Variants in WWOX observed in about 807,000 individuals in gnomAD.
The protein encoded by WWOX is WW domain-containing oxidoreductase.
In WWOX, 69 loss-of-function variants were observed where a neutral mutation model predicts 46.2. The ratio of observed to expected loss-of-function variants is 1.49; its 90% CI spans 1.23 to 1.82. The LOEUF (loss-of-function observed/expected upper bound fraction) is 1.82, where lower values mean the gene tolerates loss of function less well. Ranked by LOEUF, WWOX falls within the 40% of genes most tolerant of loss-of-function variation. The probability of loss-of-function intolerance (pLI) is 0.00; values close to 1 mark genes in which losing one functional copy is unlikely to be tolerated. For synonymous variants in WWOX, 359 were observed against 202.6 expected, an observed-to-expected ratio of 1.77 and a Z score of -6.56; for missense variants, 919 against 542.6, an observed-to-expected ratio of 1.69 and a Z score of -6.89.
intron 8 of WWOX, among the ~76,000 whole-genome samples, chr16:78,778,184 A>G (rs1439427978): frequency 1.3e-5 from 2 of 152,144 alleles, no homozygotes; most frequent in African/African-American, 4.8e-5. Flanking sequence ...TAGTTAAATC[A>G]GGGTGTGCCT....
At chr16:78,685,172 G>T (rs1469199600) in intron 8 of WWOX, among the ~76,000 whole-genome samples, 7 of 152,100 alleles carry the variant, frequency 4.6e-5, no homozygotes, top group Admixed American at 3.9e-4. Flanking sequence ...ACCCTGGGAG[G>T]ACTGGGAGAG....
intron 8 of WWOX, among the ~76,000 whole-genome samples, chr16:78,498,314 C>G (rs1451182344): frequency 2.0e-5 from 3 of 152,008 alleles, no homozygotes; most frequent in South Asian, 2.1e-4. Flanking sequence ...TTTTATTGCT[C>G]TGTAAATTGC....
chr16:78,361,258 G>A (rs12444202), intron 5 of WWOX, among the ~76,000 whole-genome samples: 112,417 of 152,128 alleles, frequency 0.74, 42,998 homozygotes, highest in African/African-American at 0.84. Context: ...ATGATGTGGT[G>A]TCTTTCTTAG....
chr16:78,385,864 A>G (rs776030121), intron 5 of WWOX, among the ~76,000 whole-genome samples: 9 of 152,198 alleles, frequency 5.9e-5, no homozygotes, highest in African/African-American at 9.7e-5. Context: ...TCAAGGAGCT[A>G]GGTCTAAGAA....
chr16:78,848,577 GGT>G (rs2052359886), intron 8 of WWOX, among the ~76,000 whole-genome samples: 1 of 152,146 alleles, frequency 6.6e-6, no homozygotes, highest in South Asian at 2.1e-4. Flanking sequence ...AACCTGGCCT[GGT>G]GTTGGGAGGA....
chr16:78,680,743 G>T (rs528708506), intron 8 of WWOX, among the ~76,000 whole-genome samples: 18 of 152,326 alleles, frequency 1.2e-4, no homozygotes, highest in Non-Finnish European at 1.8e-4. Context: ...TGACAGTAGA[G>T]TGTCCCATTG....
chr16:78,384,726 GCCA>G (rs1209901109), intron 5 of WWOX, among the ~76,000 whole-genome samples: 3 of 152,170 alleles, frequency 2.0e-5, no homozygotes, highest in Admixed American at 6.5e-5. Context: ...TTTGGCATCT[GCCA>G]CTGTTACCCA....
chr16:78,801,468 C>T (rs1199613930), intron 8 of WWOX, among the ~76,000 whole-genome samples: 2 of 152,124 alleles, frequency 1.3e-5, no homozygotes, highest in Non-Finnish European at 2.9e-5. Flanking sequence ...GATATCATGT[C>T]ACCGCACTCC....
At chr16:79,161,990 G>C (rs1187206009) in intron 8 of WWOX, among the ~76,000 whole-genome samples, 1 of 152,248 alleles carries the variant, frequency 6.6e-6, no homozygotes, top group African/African-American at 2.4e-5. Flanking sequence ...TAAATTGGCA[G>C]TGGCCAGGAC....
intron 8 of WWOX, among the ~76,000 whole-genome samples, chr16:78,465,887 C>G (rs2084064719): frequency 1.3e-5 from 2 of 152,140 alleles, no homozygotes; most frequent in Non-Finnish European, 2.9e-5. Flanking sequence ...ACATTAAACA[C>G]TAAGAGGTCA....
At chr16:78,979,565 G>A (rs1033614655) in intron 8 of WWOX, among the ~76,000 whole-genome samples, 1 of 152,072 alleles carries the variant, frequency 6.6e-6, no homozygotes, top group Non-Finnish European at 1.5e-5. Flanking sequence ...CTCCTGTGAC[G>A]GTTTCTACAG....
At chr16:79,056,173 C>T (rs777336588) in intron 8 of WWOX, among the ~76,000 whole-genome samples, 30 of 151,082 alleles carry the variant, frequency 2.0e-4, no homozygotes, top group Non-Finnish European at 3.5e-4. Flanking sequence ...TAAAGTTTCC[C>T]TTCTTTGGTC....
At chr16:78,614,794 TG>T (rs1207114765) in intron 8 of WWOX, among the ~76,000 whole-genome samples, 9 of 152,226 alleles carry the variant, frequency 5.9e-5, no homozygotes, top group Non-Finnish European at 8.8e-5. Context: ...GGTTTTTAAA[TG>T]TTTTTTTAAG....
At chr16:78,946,383 G>T (rs2045948861) in intron 8 of WWOX, among the ~76,000 whole-genome samples, 1 of 152,040 alleles carries the variant, frequency 6.6e-6, no homozygotes, top group East Asian at 1.9e-4. Context: ...TAGAGACGGG[G>T]TTTCACCATG....
chr16:78,758,159 T>G (rs2049702272), intron 8 of WWOX, among the ~76,000 whole-genome samples: 1 of 152,232 alleles, frequency 6.6e-6, no homozygotes, highest in Non-Finnish European at 1.5e-5. Flanking sequence ...ATGTTCTATT[T>G]CCATCGTAAA....
At chr16:79,004,430 C>A (rs965436003) in intron 8 of WWOX, 2 of 152,158 alleles carry the variant, frequency 1.3e-5, no homozygotes, top group Admixed American at 1.3e-4. Context: ...CCGAAAAGTA[C>A]GTGGGGGGCA....
intron 8 of WWOX, among the ~76,000 whole-genome samples, chr16:78,589,971 G>T (rs11648397): frequency 7.2e-5 from 11 of 152,002 alleles, no homozygotes; most frequent in African/African-American, 1.9e-4. Context: ...TTATCTTCTA[G>T]TTTACCTGAA....
intron 5 of WWOX, among the ~76,000 whole-genome samples, chr16:78,290,194 A>G (rs948013792): frequency 2.6e-5 from 4 of 152,178 alleles, no homozygotes; most frequent in South Asian, 2.1e-4. Context: ...GAATTGGTCA[A>G]ACAAAACTCA....
At chr16:79,127,635 A>T (rs11150137) in intron 8 of WWOX, among the ~76,000 whole-genome samples, 3 of 151,978 alleles carry the variant, frequency 2.0e-5, no homozygotes, top group East Asian at 1.9e-4. Flanking sequence ...TCTTAGAAAT[A>T]GCAGCATCGG....
Sources: gnomAD v4.1 joint callset for allele counts (sites outside exome capture counted in the v4.1 genomes callset) on GRCh38, gnomAD v4.1.1 for gene constraint, MANE v1.5 for transcripts, NCBI Gene and HGNC (gene_info 2026-07-23, HGNC 2026-07-21) for gene names.